The following KCNQ1 variants were observed in gnomAD, a reference collection of about 807,000 sequenced individuals.
The protein encoded by KCNQ1 is potassium voltage-gated channel subfamily Q member 1, also known as potassium voltage-gated channel subfamily KQT member 1.
KCNQ1 carries 49 observed loss-of-function variants against 72.4 expected under a neutral mutation model. That is an observed-to-expected ratio of 0.68 (90% CI 0.54 to 0.86). The LOEUF is 0.86. Ranked by LOEUF, KCNQ1 falls within the 40% of genes least tolerant of loss-of-function variation. The pLI, the probability that KCNQ1 is intolerant of heterozygous loss-of-function variation, is 0.00. For missense variants in KCNQ1, 790 were observed against 945.1 expected (o/e 0.84, Z 2.15); for synonymous variants, 450 against 412.6 (o/e 1.09, Z -1.10).
At chr11:2,609,902 A>G (rs984186010) in intron 10 of KCNQ1, 8 of 397,966 alleles carry the variant, frequency 2.0e-5, no homozygotes, top group Admixed American at 4.4e-5. Context: ...GTTGGCATTT[A>G]TCATCTAAAG....
In KCNQ1 at chr11:2,658,731, A is replaced by T; in HGVS notation, c.1394-3230A>T. 2 of 398,566 alleles carry T rather than the reference A, an allele frequency of 5.0e-6. No homozygotes were observed. Among genetic ancestry groups the T allele is most frequent in the Admixed American group, 8.8e-5 (2 of 22,730 alleles). The allele number at this position is 398,566 out of a possible 1,614,324, so 24.7% of individuals were successfully genotyped here. A position where few individuals can be genotyped will look rare whatever the true frequency, so the allele number is the denominator to read the frequency against. The stretch of plus-strand genomic sequence containing the variant: ...CCTGAGTACACATACATCTTTACAT[A>T]TCTGTATCTATATAAAGCTAACCAT... On this transcript the variant is annotated intron_variant, in intron 10 of 15. Transcript: ENST00000155840. The surrounding 1 kb of genome is among the most constrained non-coding windows in gnomAD (Gnocchi z 4.9).
chr11:2,528,749 A>G (rs1847555510), intron 2 of KCNQ1, among the ~76,000 whole-genome samples: 1 of 152,214 alleles, frequency 6.6e-6, no homozygotes, highest in African/African-American at 2.4e-5. Context: ...TAGTATCTAC[A>G]AAGGAAGAGA....
At chr11:2,629,634 C>G (rs768411304) in intron 10 of KCNQ1, 5 of 398,380 alleles carry the variant, frequency 1.3e-5, no homozygotes, top group East Asian at 3.6e-5. Flanking sequence ...AGAAATCATG[C>G]GTTCATATAT....
At chr11:2,838,743 T>C (rs1169140675) in intron 15 of KCNQ1, among the ~76,000 whole-genome samples, 1 of 151,920 alleles carries the variant, frequency 6.6e-6, no homozygotes, top group Non-Finnish European at 1.5e-5. Context: ...CCTGCCCCCG[T>C]GGCCGGGCTG....
intron 10 of KCNQ1, chr11:2,631,084 A>G: frequency 2.5e-6 from 1 of 398,508 alleles, no homozygotes; most frequent in Admixed American, 4.4e-5. Flanking sequence ...ACTAATTGTA[A>G]TTCTTTGAGC....
rs1590046396 is a variant in KCNQ1 at position 2,710,517 on chromosome 11, T to G, written c.1514+48436T>G. 6.6e-6 allele frequency among the ~76,000 whole-genome samples: 1 copy of G among 152,228 alleles called. No homozygotes were observed. The highest frequency in any genetic ancestry group is 1.9e-4 in the East Asian group (1 of 5,202). ...TTTATCTGTTTCTTTCTTTGGATGC[T>G]TATGTTTTTGGTGTCATAACTAAAT... On this transcript the variant is annotated intron_variant, in intron 11 of 15. Transcript: ENST00000155840. The surrounding 1 kb of genome is among the most constrained non-coding windows in gnomAD (Gnocchi z 4.1).
At chr11:2,553,115 ATTAG>A (rs1482875894) in intron 2 of KCNQ1, among the ~76,000 whole-genome samples, 1 of 145,410 alleles carries the variant, frequency 6.9e-6, no homozygotes, top group Non-Finnish European at 1.5e-5. Flanking sequence ...CATGTTACTT[ATTAG>A]TTTGAGAAGG....
intron 1 of KCNQ1, among the ~76,000 whole-genome samples, chr11:2,501,158 T>A (rs1198542344): frequency 6.6e-6 from 1 of 151,548 alleles, no homozygotes; most frequent in Non-Finnish European, 1.5e-5. Flanking sequence ...CAACCTAAAA[T>A]TAGTAGAAGA....
chr11:2,504,123 C>T (rs1348810442), intron 1 of KCNQ1, among the ~76,000 whole-genome samples: 2 of 152,198 alleles, frequency 1.3e-5, no homozygotes, highest in East Asian at 3.8e-4. Flanking sequence ...GCTGTGTATA[C>T]ACGCAACGGT....
rs1160103510 is a variant in KCNQ1 at position 2,508,835 on chromosome 11, C to G, written c.387-19093C>G. On this transcript the variant is annotated intron_variant, in intron 1 of 15. Coordinates refer to ENST00000155840, the MANE Select transcript of KCNQ1 (RefSeq NM_000218.3). The surrounding 1 kb of genome is among the most constrained non-coding windows in gnomAD (Gnocchi z 6.2). ...AGGCTTGAGGAGGGCTAAGGAAAGT[C>G]ACAGTTGAATGCATGCTCCCTCCAC... 1.3e-5 allele frequency among the ~76,000 whole-genome samples: 2 copies of G among 152,226 alleles called. No individual in the cohort carries two copies. Among genetic ancestry groups the G allele is most frequent in the Admixed American group, 1.3e-4 (2 of 15,286 alleles).
In KCNQ1 at chr11:2,750,056, C is replaced by G. The variant is rs978189534; in HGVS notation, c.1515-18788C>G. Among the ~76,000 whole-genome samples the G allele has an allele frequency of 1.3e-5, 2 of 151,876 alleles. No homozygotes were observed. Among genetic ancestry groups the G allele is most frequent in the African/African-American group, 2.4e-5 (1 of 41,338 alleles). On this transcript the variant is annotated intron_variant, in intron 11 of 15. Transcript: ENST00000155840. This position sits in a 1 kb window ranked among gnomAD's most constrained non-coding sequence, Gnocchi z 6.3. ...TGGGGTGAGAGGGAGGGAGTGGGAA[C>G]AGCCAAGAGGCCAGGAAGCGGAGCC...
intron 1 of KCNQ1, among the ~76,000 whole-genome samples, chr11:2,472,549 A>G (rs1846502151): frequency 6.6e-6 from 1 of 152,106 alleles, no homozygotes; most frequent in South Asian, 2.1e-4. Context: ...GGCCTGGGCT[A>G]CTTTGTGGGC....
chr11:2,589,455 A>G (rs1344974952), intron 10 of KCNQ1, among the ~76,000 whole-genome samples: 1 of 152,134 alleles, frequency 6.6e-6, no homozygotes, highest in Non-Finnish European at 1.5e-5. Flanking sequence ...AGACCTGTCT[A>G]GGGTTTAGAT....
At position 2,844,821 on chromosome 11, in the gene KCNQ1, G is replaced by A. The variant is rs138339088; in HGVS notation, c.1795-2946G>A. ...GAAACCACAAATGTTCATCTGTGAT[G>A]TATTTGGTGCTTTAATTAATGCCAA... is the stretch of plus-strand genomic sequence containing the variant. On this transcript the variant is annotated intron_variant, in intron 15 of 15. Coordinates refer to ENST00000155840, the MANE Select transcript of KCNQ1 (RefSeq NM_000218.3). Among the ~76,000 whole-genome samples the A allele has an allele frequency of 1.7e-3, 257 of 152,360 alleles. 2 individuals carry two copies. Among genetic ancestry groups the A allele is most frequent in the African/African-American group, 5.8e-3 (241 of 41,586 alleles).
At chr11:2,594,026 G>A (rs982319972) in intron 10 of KCNQ1, among the ~76,000 whole-genome samples, 3 of 152,106 alleles carry the variant, frequency 2.0e-5, no homozygotes, top group Non-Finnish European at 4.4e-5. Flanking sequence ...TCCTCTTTTT[G>A]TTGATGCTGC....
At chr11:2,717,588 G>A (rs954159317) in intron 11 of KCNQ1, among the ~76,000 whole-genome samples, 3 of 152,278 alleles carry the variant, frequency 2.0e-5, no homozygotes, top group East Asian at 3.9e-4. Context: ...GGGAGGTCAC[G>A]GCCCCACCCA....
In KCNQ1 at chr11:2,703,193, G is replaced by A. The variant is rs1049645506; in HGVS notation, c.1514+41112G>A. 3.3e-5 allele frequency among the ~76,000 whole-genome samples: 5 copies of A among 152,168 alleles called. No individual in the cohort carries two copies. Among genetic ancestry groups the A allele is most frequent in the Admixed American group, 1.3e-4 (2 of 15,288 alleles). On this transcript the variant is annotated intron_variant, in intron 11 of 15. Transcript: ENST00000155840. The surrounding 1 kb of genome is among the most constrained non-coding windows in gnomAD (Gnocchi z 6.4). ...AATTCTGGGAGGGGGCTGCAGTCAC[G>A]GCCAGCTCCCTTTCTGAATTGTTCT...
chr11:2,461,713 G>C (rs973809112), intron 1 of KCNQ1: 1 of 1,366,966 alleles, frequency 7.3e-7, no homozygotes, highest in African/African-American at 1.5e-5. Flanking sequence ...GCCTGGCATG[G>C]AGTAGGTACC....
chr11:2,732,867 C>A (rs1845878460), intron 11 of KCNQ1, among the ~76,000 whole-genome samples: 1 of 152,230 alleles, frequency 6.6e-6, no homozygotes, highest in South Asian at 2.1e-4. Flanking sequence ...GTCTCCCCTG[C>A]CCCATGGGCC....
Sources: gnomAD v4.1 joint callset for allele counts (sites outside exome capture counted in the v4.1 genomes callset) on GRCh38, gnomAD v4.1.1 for gene constraint, Gnocchi (gnomAD v3.1) non-coding constraint, MANE v1.5 for transcripts, NCBI Gene and HGNC (gene_info 2026-07-23, HGNC 2026-07-21) for gene names.